The following MYOZ2 variants were observed in gnomAD, a reference collection of about 807,000 sequenced individuals.
MYOZ2 encodes the protein myozenin 2, also known as myozenin-2.
MYOZ2 carries 19 observed loss-of-function variants against 25.4 expected under a neutral mutation model. That is an observed-to-expected ratio of 0.75 (90% confidence interval 0.52 to 1.10). The LOEUF is 1.10. Ranked by LOEUF, MYOZ2 falls within the 50% of genes least tolerant of loss-of-function variation. The probability of loss-of-function intolerance (pLI) is 0.00; values close to 1 mark genes in which losing one functional copy is unlikely to be tolerated. For missense variants in MYOZ2, 270 were observed against 317.9 expected (o/e 0.85, Z 1.15); for synonymous variants, 92 against 106.9 (o/e 0.86, Z 0.86).
intron 3 of MYOZ2, among the ~76,000 whole-genome samples, chr4:119,157,067 C>T (rs1741591405): frequency 6.6e-6 from 1 of 152,074 alleles, no homozygotes. Context: ...TATATTTCAT[C>T]ACAGAATCTT....
At chr4:119,177,696 C>T (rs934436552) in intron 5 of MYOZ2, among the ~76,000 whole-genome samples, 4 of 152,170 alleles carry the variant, frequency 2.6e-5, no homozygotes, top group Non-Finnish European at 5.9e-5. Flanking sequence ...CTTAAAAGAG[C>T]TGATGAGTTG....
At chr4:119,165,216 A>C (rs556867302) in intron 5 of MYOZ2, among the ~76,000 whole-genome samples, 1 of 151,870 alleles carries the variant, frequency 6.6e-6, no homozygotes, top group Admixed American at 6.6e-5. Context: ...TTAAACAGTG[A>C]TCTTCTTAAG....
At chr4:119,147,474 C>T (rs1421412813) in intron 2 of MYOZ2, among the ~76,000 whole-genome samples, 5 of 152,072 alleles carry the variant, frequency 3.3e-5, no homozygotes, top group Non-Finnish European at 5.9e-5. Context: ...GGCACGGTGG[C>T]TCATGCCTGT....
chr4:119,152,039 T>C (rs1346731874), intron 3 of MYOZ2, among the ~76,000 whole-genome samples: 1 of 152,172 alleles, frequency 6.6e-6, no homozygotes, highest in Admixed American at 6.6e-5. Flanking sequence ...CCTATATTTC[T>C]ATTTTCCTTG....
rs200254589 is a variant in MYOZ2 at position 119,174,091 on chromosome 4, CG to C, written c.560+9698del. ...CCACCCCCTCCATGGGCTCGTGGGCCGCCTGAGCCTCCCCGACGAGTGCCAC... is the reference window on the plus strand; with the variant it reads ...CCACCCCCTCCATGGGCTCGTGGGCCCCTGAGCCTCCCCGACGAGTGCCAC... On this transcript the variant is annotated intron_variant, in intron 5 of 5. Coordinates refer to ENST00000307128, the MANE Select transcript of MYOZ2 (RefSeq NM_016599.5). Among the ~76,000 whole-genome samples, 1,146 of 152,298 alleles carry C rather than the reference CG, an allele frequency of 7.5e-3. 6 individuals carry two copies. The highest frequency in any genetic ancestry group is 0.013 in the Non-Finnish European group (853 of 68,020).
At chr4:119,153,331 C>A (rs749942025) in intron 3 of MYOZ2, among the ~76,000 whole-genome samples, 3 of 152,116 alleles carry the variant, frequency 2.0e-5, no homozygotes, top group Non-Finnish European at 4.4e-5. Context: ...TATTTCCATT[C>A]ATATTCATTT....
At chr4:119,173,801 G>A (rs1007468589) in intron 5 of MYOZ2, among the ~76,000 whole-genome samples, 1 of 152,214 alleles carries the variant, frequency 6.6e-6, no homozygotes, top group Non-Finnish European at 1.5e-5. Flanking sequence ...GGCCCGAGCG[G>A]GAACCGGGGC....
chr4:119,186,582 T>G lies in MYOZ2; in HGVS notation c.*382T>G. 4.7e-6 allele frequency: 1 copy of G among 211,622 alleles called. No homozygotes were observed. The highest frequency in any genetic ancestry group is 9.5e-6 in the Non-Finnish European group (1 of 105,542). The allele number at this position is 211,622 out of a possible 1,614,324, so 13.1% of individuals were successfully genotyped here. A position where few individuals can be genotyped will look rare whatever the true frequency, so the allele number is the denominator to read the frequency against. On this transcript the variant is annotated 3_prime_UTR_variant, in exon 6 of 6. Coordinates refer to ENST00000307128, the MANE Select transcript of MYOZ2 (RefSeq NM_016599.5). ...AAATACAGGGAGAGATATGAAGACC[T>G]ATTCAGAGTTTCATCTGGGGATGAA...
In MYOZ2 at chr4:119,175,022, C is replaced by T. The variant is rs28373228; in HGVS notation, c.560+10628C>T. Among the ~76,000 whole-genome samples the T allele has an allele frequency of 3.7e-3, 569 of 151,848 alleles. 6 individuals carry two copies. The highest frequency in any genetic ancestry group is 0.013 in the African/African-American group (544 of 41,390). ...TGAACCCACCAGAAGGAAGAAACTC[C>T]GAACACATCCGAACATCAGAAGGAA... On this transcript the variant is annotated intron_variant, in intron 5 of 5. Transcript: ENST00000307128.
At chr4:119,148,941 T>C (rs573921069) in intron 2 of MYOZ2, among the ~76,000 whole-genome samples, 2 of 152,254 alleles carry the variant, frequency 1.3e-5, no homozygotes, top group East Asian at 3.9e-4. Flanking sequence ...TCATTCAGTT[T>C]GAGATTTTTC....
intron 2 of MYOZ2, among the ~76,000 whole-genome samples, 171 bp from the exon 3 acceptor site, chr4:119,150,701 T>C (rs920271734): frequency 1.3e-5 from 2 of 152,068 alleles, no homozygotes; most frequent in Non-Finnish European, 2.9e-5. Context: ...CAATAGGTAT[T>C]AGTATTATTA....
At chr4:119,155,213 A>G (rs1262498994) in intron 3 of MYOZ2, among the ~76,000 whole-genome samples, 2 of 152,170 alleles carry the variant, frequency 1.3e-5, no homozygotes, top group African/African-American at 4.8e-5. Flanking sequence ...TCCATGACCA[A>G]ACGCCTCCCA....
intron 3 of MYOZ2, among the ~76,000 whole-genome samples, chr4:119,151,920 C>G (rs1741460510): frequency 6.6e-6 from 1 of 152,138 alleles, no homozygotes; most frequent in South Asian, 2.1e-4. Flanking sequence ...GAATGGACAG[C>G]TCCCTTCTTT....
Position 119,187,027 on chromosome 4 carries a change from G to A in MYOZ2, c.*827G>A, listed in dbSNP as rs916833144. 6.6e-6 allele frequency: 1 copy of A among 152,150 alleles called. No homozygotes were observed. The highest frequency in any genetic ancestry group is 1.5e-5 in the Non-Finnish European group (1 of 68,002). 9.4% of individuals were successfully genotyped at this position (152,150 alleles called of 1,614,324 possible). ...CATATAAATACATTCATGTTTGTGA[G>A]AGAAGGAAAGAGTAAGTAATTTGAA... On this transcript the variant is annotated 3_prime_UTR_variant, in exon 6 of 6. Coordinates refer to ENST00000307128, the MANE Select transcript of MYOZ2 (RefSeq NM_016599.5).
intron 3 of MYOZ2, among the ~76,000 whole-genome samples, chr4:119,153,225 A>T (rs1002113542): frequency 6.6e-6 from 1 of 152,170 alleles, no homozygotes; most frequent in African/African-American, 2.4e-5. Context: ...ATAGTGAGCC[A>T]CGTTGTACAA....
chr4:119,136,630 A>G, intron 2 of MYOZ2, 29 bp downstream of exon 2: 2 of 1,588,170 alleles, frequency 1.3e-6, no homozygotes, highest in Non-Finnish European at 1.7e-6. Flanking sequence ...CGTAGCATTA[A>G]TATAGCACAG....
chr4:119,175,323 T>G (rs1326853335), intron 5 of MYOZ2, among the ~76,000 whole-genome samples: 4 of 152,220 alleles, frequency 2.6e-5, no homozygotes, highest in South Asian at 2.1e-4. Flanking sequence ...GGGATGTGTC[T>G]TCTTTGATGT....
chr4:119,174,938 T>C (rs777613508), intron 5 of MYOZ2, among the ~76,000 whole-genome samples: 1 of 151,728 alleles, frequency 6.6e-6, no homozygotes, highest in Non-Finnish European at 1.5e-5. Context: ...CGTGCTGCCT[T>C]AAGAGCTGTA....
intron 5 of MYOZ2, among the ~76,000 whole-genome samples, chr4:119,183,947 TGG>T (rs1333759192): frequency 6.6e-6 from 1 of 151,986 alleles, no homozygotes; most frequent in African/African-American, 2.4e-5. Context: ...CCTGAGTAGC[TGG>T]GATTACAGGC....
Sources: gnomAD v4.1 joint callset for allele counts (sites outside exome capture counted in the v4.1 genomes callset) on GRCh38, gnomAD v4.1.1 for gene constraint, MANE v1.5 for transcripts, NCBI Gene and HGNC (gene_info 2026-07-23, HGNC 2026-07-21) for gene names.